The following PSMD1 variants were observed in gnomAD, a reference collection of about 807,000 sequenced individuals.
PSMD1 encodes the protein 26S proteasome non-ATPase regulatory subunit 1.
Under a neutral mutation model 119.0 loss-of-function variants are expected in PSMD1, and 18 were observed. The ratio of observed to expected loss-of-function variants is 0.15; its 90% CI spans 0.10 to 0.22. PSMD1 has a LOEUF of 0.22. Among genes scored for constraint, PSMD1 ranks in the 10% least tolerant of loss-of-function variants. The pLI, the probability that PSMD1 is intolerant of heterozygous loss-of-function variation, is 1.00. For missense variants in PSMD1, 702 were observed against 1,158.5 expected (o/e 0.61, Z 5.72); for synonymous variants, 374 against 396.6 (o/e 0.94, Z 0.68).
At chr2:231,059,038 AAAAG>A (rs1693690205) in intron 1 of PSMD1, among the ~76,000 whole-genome samples, 2 of 152,210 alleles carry the variant, frequency 1.3e-5, no homozygotes, top group Admixed American at 1.3e-4. Flanking sequence ...GCAGAAATTC[AAAAG>A]TATGTCTTGA....
In PSMD1 at chr2:231,112,288, C is replaced by T. The variant is rs571917786; in HGVS notation, c.1883+25107C>T. Among the ~76,000 whole-genome samples the T allele has an allele frequency of 5.8e-4, 88 of 152,312 alleles. No individual in the cohort carries two copies. The South Asian group carries it at 0.018, about 30-fold the overall frequency. On this transcript the variant is annotated intron_variant, in intron 16 of 24. Transcript: ENST00000308696. The stretch of plus-strand genomic sequence containing the variant: ...AAATTTTAATTTTCACCCATTGTCT[C>T]CCATTCCCTTTCTGTAGCTGCTTTT...
At chr2:231,140,590 A>G (rs1428663750) in intron 17 of PSMD1, among the ~76,000 whole-genome samples, 1 of 151,582 alleles carries the variant, frequency 6.6e-6, no homozygotes, top group Non-Finnish European at 1.5e-5. Context: ...AAAAATAGCT[A>G]TTTTTGGCCA....
intron 10 of PSMD1, among the ~76,000 whole-genome samples, chr2:231,079,321 T>TA (rs1445737323): frequency 1.3e-5 from 2 of 152,356 alleles, no homozygotes; most frequent in East Asian, 3.9e-4. Context: ...ATTTTGTTTT[T>TA]ATTTATAGTA....
At chr2:231,094,627 A>G (rs769600913) in intron 16 of PSMD1, among the ~76,000 whole-genome samples, 2 of 152,176 alleles carry the variant, frequency 1.3e-5, no homozygotes, top group Non-Finnish European at 2.9e-5. Context: ...CAGAATGAGT[A>G]AGGGAATTAT....
intron 17 of PSMD1, among the ~76,000 whole-genome samples, chr2:231,143,612 C>T (rs1311390448): frequency 1.3e-5 from 2 of 152,154 alleles, no homozygotes; most frequent in African/African-American, 2.4e-5. Context: ...AGTTTTTGAT[C>T]AAATACATTG....
At chr2:231,096,736 C>T (rs989322489) in intron 16 of PSMD1, among the ~76,000 whole-genome samples, 2 of 152,194 alleles carry the variant, frequency 1.3e-5, no homozygotes, top group African/African-American at 2.4e-5. Context: ...GCGTTCTTAT[C>T]CCTGATGCAC....
intron 16 of PSMD1, among the ~76,000 whole-genome samples, chr2:231,110,197 G>C (rs2125207021): frequency 6.6e-6 from 1 of 152,142 alleles, no homozygotes; most frequent in Non-Finnish European, 1.5e-5. Flanking sequence ...GCACGCGCCT[G>C]TACTCCCAGC....
chr2:231,171,927 A>G (rs542685489), intron 24 of PSMD1, among the ~76,000 whole-genome samples: 9 of 152,292 alleles, frequency 5.9e-5, no homozygotes, highest in African/African-American at 2.2e-4. Context: ...TTGCAAATCT[A>G]GCATGCTGTG....
chr2:231,113,960 TA>T, intron 16 of PSMD1: 1 of 1,590,378 alleles, frequency 6.3e-7, no homozygotes, highest in Non-Finnish European at 8.6e-7. Context: ...ACAAACATTT[TA>T]TTCTATAAAA....
At chr2:231,099,587 G>A (rs941584759) in intron 16 of PSMD1, among the ~76,000 whole-genome samples, 1 of 152,040 alleles carries the variant, frequency 6.6e-6, no homozygotes, top group African/African-American at 2.4e-5. Flanking sequence ...TCTTGCTTGG[G>A]GTATTTCCCA....
Position 231,161,522 on chromosome 2 carries a change from G to T in PSMD1, c.2388+13G>T, listed in dbSNP as rs1223688205. The T allele has an allele frequency of 6.2e-7, 1 of 1,606,120 alleles. No individual in the cohort carries two copies. Among genetic ancestry groups the T allele is most frequent in the Admixed American group, 1.7e-5 (1 of 59,282 alleles). Reference sequence around the variant, plus strand: ...CAAGGACTTAAAGGTATGTCTGTGAGACCTCAGCTTTGTAGTATTTCCTGT... The same window carrying T: ...CAAGGACTTAAAGGTATGTCTGTGATACCTCAGCTTTGTAGTATTTCCTGT... On this transcript the variant is annotated intron_variant, in intron 20 of 24. Coordinates refer to ENST00000308696, the MANE Select transcript of PSMD1 (RefSeq NM_002807.4).
At chr2:231,137,033 T>C in intron 16 of PSMD1, among the ~76,000 whole-genome samples, 1 of 145,430 alleles carries the variant, frequency 6.9e-6, no homozygotes, top group Non-Finnish European at 1.5e-5. Flanking sequence ...TTATGTACCA[T>C]ATATAATTAT....
intron 1 of PSMD1, among the ~76,000 whole-genome samples, chr2:231,058,360 T>A (rs1693663611): frequency 6.6e-6 from 1 of 152,252 alleles, no homozygotes; most frequent in Non-Finnish European, 1.5e-5. Flanking sequence ...CCCGTTTTTC[T>A]TGTGGACTAT....
chr2:231,098,433 GTCTC>G (rs1021909336), intron 16 of PSMD1, among the ~76,000 whole-genome samples: 1 of 150,336 alleles, frequency 6.7e-6, no homozygotes, highest in African/African-American at 2.5e-5. Context: ...CTCCCTCTTT[GTCTC>G]TCTGTCTCTT....
At chr2:231,069,126 T>A (rs1264359108) in intron 5 of PSMD1, among the ~76,000 whole-genome samples, 1 of 151,566 alleles carries the variant, frequency 6.6e-6, no homozygotes, top group Non-Finnish European at 1.5e-5. Context: ...CATTGGGGAA[T>A]CTAGAAGGAG....
intron 18 of PSMD1, among the ~76,000 whole-genome samples, chr2:231,149,575 G>A (rs1348614125): frequency 6.6e-6 from 1 of 152,188 alleles, no homozygotes; most frequent in African/African-American, 2.4e-5. Flanking sequence ...ATAGAATCTG[G>A]TGTTCCTATT....
At chr2:231,136,572 T>C (rs1453299497) in intron 16 of PSMD1, among the ~76,000 whole-genome samples, 2 of 152,230 alleles carry the variant, frequency 1.3e-5, no homozygotes, top group Non-Finnish European at 2.9e-5. Flanking sequence ...CATCATTCCA[T>C]TTATCTGCAA....
intron 8 of PSMD1, among the ~76,000 whole-genome samples, chr2:231,076,748 C>A (rs1459396628): frequency 6.6e-6 from 1 of 152,050 alleles, no homozygotes; most frequent in Admixed American, 6.6e-5. Context: ...TAAATTGACT[C>A]ATTTAATAAA....
intron 23 of PSMD1, 117 bp downstream of exon 23, chr2:231,166,134 A>G: frequency 9.5e-7 from 1 of 1,048,568 alleles, no homozygotes; most frequent in Non-Finnish European, 1.3e-6. Context: ...CACTAGTTCT[A>G]AGAAATTATT....
Sources: allele counts gnomAD v4.1 joint callset (sites outside exome capture counted in the v4.1 genomes callset), GRCh38; gene constraint gnomAD v4.1.1; transcripts MANE v1.5; gene names NCBI Gene and HGNC (gene_info 2026-07-23, HGNC 2026-07-21).